Variants in NPM1 observed in about 807,000 individuals in gnomAD.
The protein encoded by NPM1 is nucleophosmin.
In NPM1, 1 loss-of-function variant was observed where a neutral mutation model predicts 44.1. The observed-to-expected ratio is 0.02, with a 90% CI of 0.01 to 0.11. The LOEUF is 0.11. NPM1 is among the 10% of genes least tolerant of loss of function. The pLI is 1.00. For missense variants in NPM1, 197 were observed against 347.8 expected, an observed-to-expected ratio of 0.57 and a Z score of 3.45; for synonymous variants, 126 against 111.8, an observed-to-expected ratio of 1.13 and a Z score of -0.80.
chr5:171,395,587 A>G (rs1484297538), intron 6 of NPM1, among the ~76,000 whole-genome samples: 8 of 152,178 alleles, frequency 5.3e-5, no homozygotes, highest in African/African-American at 1.9e-4. Context: ...ATATAAGTTG[A>G]AGAAAGTGTA....
Position 171,404,275 on chromosome 5 carries a change from C to T in NPM1, c.670-1027C>T, listed in dbSNP as rs1347107903. Reference sequence around the variant, plus strand: ...CCTCCCGGACGGGGTGGCTGCTGGGCGGAGATGCTCCTCACTTCCCAGATG... The same window carrying T: ...CCTCCCGGACGGGGTGGCTGCTGGGTGGAGATGCTCCTCACTTCCCAGATG... On this transcript the variant is annotated intron_variant, in intron 8 of 10. Transcript: ENST00000296930. 1.9e-5 allele frequency among the ~76,000 whole-genome samples: 2 copies of T among 105,064 alleles called. 1 individual carries two copies. Among genetic ancestry groups the T allele is most frequent in the East Asian group, 7.3e-4 (2 of 2,730 alleles). The allele number at this position is 105,064 out of a possible 152,430, so 68.9% of individuals were successfully genotyped here. A position where few individuals can be genotyped will look rare whatever the true frequency, so the allele number is the denominator to read the frequency against.
At position 171,387,873 on chromosome 5, in the gene NPM1, G is replaced by A. The variant is rs540561427; in HGVS notation, c.-76G>A. 161 of 1,359,496 alleles carry A rather than the reference G, an allele frequency of 1.2e-4. 1 individual carries two copies. The highest frequency in any genetic ancestry group is 1.6e-4 in the Non-Finnish European group (151 of 952,290). 84.2% of individuals were successfully genotyped at this position (1,359,496 alleles called of 1,614,324 possible). ...CCTTTCCCTGGTGTGATTCCGTCCT[G>A]CGCGGTTGTTCTCTGGAGCAGCGTT... On this transcript the variant is annotated 5_prime_UTR_variant, in exon 1 of 11. Coordinates refer to ENST00000296930, the MANE Select transcript of NPM1 (RefSeq NM_002520.7).
chr5:171,391,116 G>C (rs1770554993), intron 2 of NPM1, 189 bp from the exon 3 acceptor site: 2 of 606,552 alleles, frequency 3.3e-6, no homozygotes, highest in Non-Finnish European at 2.8e-6. Context: ...GGTGTGTGTA[G>C]TAGGCTATAC....
Position 171,390,349 on chromosome 5 carries a change from A to G in NPM1, c.138+219A>G, listed in dbSNP as rs140710450. Among the ~76,000 whole-genome samples the G allele has an allele frequency of 1.4e-3, 218 of 152,318 alleles. 1 individual carries two copies. The highest frequency in any genetic ancestry group is 2.5e-3 in the Non-Finnish European group (173 of 68,026). ...CATGTAAATTCCAGTCACACTGTTC[A>G]ACTTGCCTTATTTTCTTCAGTTGAA... On this transcript the variant is annotated intron_variant, in intron 2 of 10. Coordinates refer to ENST00000296930, the MANE Select transcript of NPM1 (RefSeq NM_002520.7).
chr5:171,406,343 A>T, intron 9 of NPM1: 1 of 1,493,946 alleles, frequency 6.7e-7, no homozygotes, highest in Non-Finnish European at 9.3e-7. Context: ...GACATCTTTT[A>T]GATGCCCCTC....
intron 6 of NPM1, among the ~76,000 whole-genome samples, chr5:171,399,294 C>A (rs1047022733): frequency 1.2e-4 from 18 of 152,258 alleles, no homozygotes; most frequent in Non-Finnish European, 2.2e-4. Flanking sequence ...TGCTCTGTCA[C>A]CCAGGCTGGA....
At chr5:171,403,442 A>T (rs911232928) in intron 8 of NPM1, among the ~76,000 whole-genome samples, 1 of 116,216 alleles carries the variant, frequency 8.6e-6, no homozygotes, top group Non-Finnish European at 1.9e-5. Context: ...CGATTTCTCA[A>T]TCTTTTCCCC....
intron 1 of NPM1, among the ~76,000 whole-genome samples, chr5:171,388,422 G>A (rs1233363494): frequency 6.6e-6 from 1 of 152,228 alleles, no homozygotes; most frequent in South Asian, 2.1e-4. Context: ...GGAAGCATGG[G>A]CCTGCTTGTT....
intron 8 of NPM1, among the ~76,000 whole-genome samples, chr5:171,402,864 G>A (rs956193226): frequency 8.8e-5 from 13 of 147,452 alleles, no homozygotes; most frequent in Non-Finnish European, 1.6e-4. Context: ...ATTTCCTGTG[G>A]CCTCCTAGCC....
chr5:171,395,528 A>G (rs1240610406), intron 6 of NPM1, among the ~76,000 whole-genome samples: 1 of 152,110 alleles, frequency 6.6e-6, no homozygotes, highest in South Asian at 2.1e-4. Context: ...TCGAACTCCA[A>G]AGTGCTGGGA....
chr5:171,405,276 C>T, intron 8 of NPM1, 26 bp from the exon 9 acceptor site: 3 of 1,157,546 alleles, frequency 2.6e-6, no homozygotes, highest in Non-Finnish European at 3.8e-6. Context: ...TTCTTATGAC[C>T]TTTTGGAAAT....
chr5:171,387,761 G>A (rs566113295), upstream of NPM1: 43 of 630,478 alleles, frequency 6.8e-5, no homozygotes, highest in African/African-American at 5.5e-4. Flanking sequence ...GGGGGTGGGA[G>A]GGCTTCGGAG....
intron 6 of NPM1, among the ~76,000 whole-genome samples, chr5:171,396,299 G>A (rs901842753): frequency 6.6e-6 from 1 of 152,146 alleles, no homozygotes; most frequent in Non-Finnish European, 1.5e-5. Flanking sequence ...TGTTTTGATA[G>A]TAGTTTTGAT....
chr5:171,409,706 A>G (rs2113297630), intron 10 of NPM1, among the ~76,000 whole-genome samples: 1 of 152,246 alleles, frequency 6.6e-6, no homozygotes, highest in South Asian at 2.1e-4. Flanking sequence ...CCACCTTGCC[A>G]TGTTGGCCAG....
At chr5:171,401,000 G>T in intron 8 of NPM1, 75 bp downstream of exon 8, 1 of 1,061,712 alleles carries the variant, frequency 9.4e-7, no homozygotes, top group Non-Finnish European at 1.5e-6. Context: ...AGAATCTAGT[G>T]TGTCTGAAAT....
intron 6 of NPM1, 146 bp downstream of exon 6, chr5:171,393,124 A>T (rs2113184560): frequency 2.8e-6 from 3 of 1,053,136 alleles, no homozygotes; most frequent in Non-Finnish European, 4.0e-6. Context: ...GCAGGTGGTC[A>T]TCTGTTGTCA....
intron 6 of NPM1, among the ~76,000 whole-genome samples, chr5:171,397,608 C>A (rs1770974681): frequency 6.6e-6 from 1 of 151,054 alleles, no homozygotes; most frequent in African/African-American, 2.4e-5. Flanking sequence ...CCATTTACTT[C>A]TCTTTGTCTT....
chr5:171,404,654 G>C (rs1771465945), intron 8 of NPM1, among the ~76,000 whole-genome samples: 1 of 135,222 alleles, frequency 7.4e-6, no homozygotes, highest in African/African-American at 2.8e-5. Context: ...TTTCCAGACT[G>C]GGCAGCCAGG....
At chr5:171,400,324 C>A in intron 7 of NPM1, 114 bp downstream of exon 7, 1 of 1,226,904 alleles carries the variant, frequency 8.2e-7, no homozygotes, top group Admixed American at 2.2e-5. Flanking sequence ...TCATCTCATA[C>A]TGAAAATTAG....
Sources: allele counts gnomAD v4.1 joint callset (sites outside exome capture counted in the v4.1 genomes callset), GRCh38; gene constraint gnomAD v4.1.1; transcripts MANE v1.5; gene names NCBI Gene and HGNC (gene_info 2026-07-23, HGNC 2026-07-21).